RIOX2: variants seen among roughly 807,000 people sequenced by gnomAD.
RIOX2 encodes the protein 60S ribosomal protein L27a histidine hydroxylase.
A neutral mutation model predicts 51.2 loss-of-function variants in RIOX2; 43 were observed. That is an observed-to-expected ratio of 0.84 (90% CI 0.66 to 1.08). The LOEUF (loss-of-function observed/expected upper bound fraction) is 1.08, where lower values mean the gene tolerates loss of function less well. Among genes scored for constraint, RIOX2 ranks in the 50% least tolerant of loss-of-function variants. The pLI is 0.00. For missense variants in RIOX2, 566 were observed against 561.7 expected, an observed-to-expected ratio of 1.01 and a Z score of -0.08; for synonymous variants, 226 against 218.5, an observed-to-expected ratio of 1.03 and a Z score of -0.30.
At chr3:97,969,771 C>T (rs1020982862) in intron 1 of RIOX2, among the ~76,000 whole-genome samples, 1 of 152,218 alleles carries the variant, frequency 6.6e-6, no homozygotes, top group Non-Finnish European at 1.5e-5. Context: ...GCCAGTGTGA[C>T]CGCTCGAAGA....
In RIOX2 at chr3:97,949,945, T is replaced by A; in HGVS notation, c.959A>T (p.Glu320Val). Residue 320 changes from glutamate (E) to valine (V), a missense_variant, in exon 7 of 10, where the codon GAG (glutamate) becomes GTG (valine). By Grantham distance (121) the Glu-to-Val change is moderately radical (BLOSUM62 -2). Transcript: ENST00000394198. ...GFLRTLADRL[E>V]GTKELLSSDM... ...TGAGGAAAGCAGTTCTTTGGTGCCCTCCAGCCGGTCTGCAAGTGTCCTCAG... is the reference window on the plus strand; with the variant it reads ...TGAGGAAAGCAGTTCTTTGGTGCCCACCAGCCGGTCTGCAAGTGTCCTCAG... The A allele has an allele frequency of 6.2e-7, 1 of 1,613,142 alleles. No individual in the cohort carries two copies. Among genetic ancestry groups the A allele is most frequent in the Non-Finnish European group, 8.5e-7 (1 of 1,179,920 alleles).
chr3:97,947,360 C>G lies in RIOX2; in HGVS notation c.1149+1G>C, dbSNP rs147613796. 4 of 1,610,944 alleles carry G rather than the reference C, an allele frequency of 2.5e-6. No individual in the cohort carries two copies. The African/African-American group carries it at 5.3e-5, about 22-fold the overall frequency. Reference sequence around the variant, plus strand: ...GAAATCTCCTCCTCTTGGATACTCACAGATTGATCTTGATCCGGCAGTACT... The same window carrying G: ...GAAATCTCCTCCTCTTGGATACTCAGAGATTGATCTTGATCCGGCAGTACT... On this transcript the variant is annotated splice_donor_variant, in intron 8 of 9. Coordinates refer to ENST00000394198, the MANE Select transcript of RIOX2 (RefSeq NM_153182.4). LOFTEE classifies it high-confidence loss of function.
chr3:97,966,760 A>T (rs1450341607), intron 2 of RIOX2, among the ~76,000 whole-genome samples: 1 of 152,202 alleles, frequency 6.6e-6, no homozygotes, highest in East Asian at 1.9e-4. Context: ...CTTCGGGAAA[A>T]AATGATCACC....
rs2040268879 is a variant in RIOX2 at position 97,943,141 on chromosome 3, AGCT to A, written c.*2040_*2042del. 15 of 730,722 alleles carry A rather than the reference AGCT, an allele frequency of 2.1e-5. No individual in the cohort carries two copies. Among genetic ancestry groups the A allele is most frequent in the Non-Finnish European group, 3.3e-5 (14 of 425,408 alleles). The allele number at this position is 730,722 out of a possible 1,614,324, so 45.3% of individuals were successfully genotyped here. A position where few individuals can be genotyped will look rare whatever the true frequency, so the allele number is the denominator to read the frequency against. On this transcript the variant is annotated 3_prime_UTR_variant, in exon 10 of 10. Transcript: ENST00000394198. ...GACACATTCATCCACCGAAATGGTG[AGCT>A]GAACAGAAGCTTGTGAAAATTGTGA...
chr3:97,966,980 C>A (rs1034157521), intron 2 of RIOX2, among the ~76,000 whole-genome samples, 182 bp downstream of exon 2: 2 of 152,176 alleles, frequency 1.3e-5, no homozygotes, highest in Admixed American at 6.5e-5. Context: ...AACAGTCCAA[C>A]CAAACATAAC....
At position 97,967,457 on chromosome 3, in the gene RIOX2, A is replaced by C; in HGVS notation, c.137T>G (p.Ile46Ser). Residue 46 changes from isoleucine (I) to serine (S), a missense_variant, in exon 2 of 10, where the codon ATC (isoleucine) becomes AGC (serine). Coordinates refer to ENST00000394198, the MANE Select transcript of RIOX2 (RefSeq NM_153182.4). ...AAAAGTCTCTGTCTTGATGGGCGAG[A>C]TTAAACTTTCAAAGAGACTACTGGG... ...DSPSSLFESL[I>S]SPIKTETFFK... 3.7e-6 allele frequency: 6 copies of C among 1,614,158 alleles called. No individual in the cohort carries two copies. Among genetic ancestry groups the C allele is most frequent in the Non-Finnish European group, 5.1e-6 (6 of 1,180,026 alleles).
intron 2 of RIOX2, among the ~76,000 whole-genome samples, chr3:97,966,646 G>C (rs1213288958): frequency 6.6e-6 from 1 of 152,146 alleles, no homozygotes; most frequent in African/African-American, 2.4e-5. Context: ...TCACCCATTC[G>C]GGTGTTATTA....
chr3:97,960,485 T>C (rs1705634849), intron 3 of RIOX2, among the ~76,000 whole-genome samples: 1 of 152,206 alleles, frequency 6.6e-6, no homozygotes, highest in South Asian at 2.1e-4. Context: ...AATGGAAGGC[T>C]ACTAGTAGTT....
chr3:97,972,245 G>A (rs1292989013), intron 1 of RIOX2, 136 bp downstream of exon 1: 2 of 145,452 alleles, frequency 1.4e-5, no homozygotes, highest in African/African-American at 2.5e-5. Context: ...CGGCCACCGA[G>A]GCTTCTCGCC....
chr3:97,951,148 C>T, intron 5 of RIOX2: 1 of 337,638 alleles, frequency 3.0e-6, no homozygotes, highest in Non-Finnish European at 5.4e-6. Flanking sequence ...ATACTGATTT[C>T]TCTTAAAAGC....
At chr3:97,947,751 T>C (rs1320225260) in intron 7 of RIOX2, among the ~76,000 whole-genome samples, 1 of 152,170 alleles carries the variant, frequency 6.6e-6, no homozygotes, top group Non-Finnish European at 1.5e-5. Context: ...CACATAAGGC[T>C]GTGGTGCTTT....
In RIOX2 at chr3:97,945,554, G is replaced by A. The variant is rs2040334864; in HGVS notation, c.1240-212C>T. ...GTAAGTGATATTAGTAATTTGAAATGTTTTACATTATACCATTCCTATAAG... is the reference window on the plus strand; with the variant it reads ...GTAAGTGATATTAGTAATTTGAAATATTTTACATTATACCATTCCTATAAG... On this transcript the variant is annotated intron_variant, in intron 9 of 9. Transcript: ENST00000394198. The A allele has an allele frequency of 4.9e-6, 3 of 608,554 alleles. 1 individual carries two copies. In the Admixed American group the frequency reaches 9.6e-5, roughly 19 times the overall value. The allele number at this position is 608,554 out of a possible 1,614,324, so 37.7% of individuals were successfully genotyped here. A position where few individuals can be genotyped will look rare whatever the true frequency, so the allele number is the denominator to read the frequency against.
At chr3:97,959,836 T>C (rs1036844465) in intron 3 of RIOX2, among the ~76,000 whole-genome samples, 4 of 152,204 alleles carry the variant, frequency 2.6e-5, no homozygotes, top group African/African-American at 9.7e-5. Flanking sequence ...GGTTAAAATT[T>C]ATCAAAACTT....
At chr3:97,952,224 C>T (rs1406665912) in intron 5 of RIOX2, 1 of 1,289,806 alleles carries the variant, frequency 7.8e-7, no homozygotes, top group Non-Finnish European at 1.0e-6. Context: ...GCCCTCAAGT[C>T]ACATCTTCTC....
In RIOX2 at chr3:97,955,202, G is replaced by A. The variant is rs556888835; in HGVS notation, c.682-707C>T. 2.0e-4 allele frequency among the ~76,000 whole-genome samples: 30 copies of A among 152,248 alleles called. No homozygotes were observed. In the South Asian group the frequency reaches 6.2e-3, roughly 32 times the overall value. On this transcript the variant is annotated intron_variant, in intron 4 of 9. Transcript: ENST00000394198. Reference sequence around the variant, plus strand: ...ACACAGGCTCAATGAATGTTGGGATGAATTGAAAAACTATACAATCCCTAT... The same window carrying A: ...ACACAGGCTCAATGAATGTTGGGATAAATTGAAAAACTATACAATCCCTAT...
chr3:97,952,087 C>T, intron 5 of RIOX2: 3 of 945,096 alleles, frequency 3.2e-6, no homozygotes, highest in Admixed American at 2.3e-5. Flanking sequence ...CAACATACAG[C>T]AGACCCCCAA....
Position 97,942,328 on chromosome 3 carries a change from T to C in RIOX2, c.*2856A>G, listed in dbSNP as rs776520771. 10 of 1,611,550 alleles carry C rather than the reference T, an allele frequency of 6.2e-6. No homozygotes were observed. In the African/African-American group the frequency reaches 1.2e-4, roughly 19 times the overall value. ...ATGTGATTGGTGGCCGGGACACACC[T>C]GGAGCTAAAGTAGCTCTATGGACTG... On this transcript the variant is annotated 3_prime_UTR_variant, in exon 10 of 10. Transcript: ENST00000394198.
chr3:97,942,230 A>AACTT lies in RIOX2; in HGVS notation c.*2950_*2953dup. The AACTT allele has an allele frequency of 6.6e-7, 1 of 1,522,362 alleles. No individual in the cohort carries two copies. The highest frequency in any genetic ancestry group is 8.9e-7 in the Non-Finnish European group (1 of 1,120,932). The allele number at this position is 1,522,362 out of a possible 1,614,324, so 94.3% of individuals were successfully genotyped here. A position where few individuals can be genotyped will look rare whatever the true frequency, so the allele number is the denominator to read the frequency against. ...ACCTAAGATAAAAGGGACCTAATTC[A>AACTT]ACTTACTTTAGCAAACATACTACTG... On this transcript the variant is annotated 3_prime_UTR_variant, in exon 10 of 10. Transcript: ENST00000394198.
intron 8 of RIOX2, among the ~76,000 whole-genome samples, chr3:97,946,673 G>A (rs1477996099): frequency 6.7e-6 from 1 of 148,664 alleles, no homozygotes; most frequent in Non-Finnish European, 1.5e-5. Flanking sequence ...TCTGGTTATC[G>A]AGACATGTTG....
Sources: gnomAD v4.1 joint callset for allele counts (sites outside exome capture counted in the v4.1 genomes callset) on GRCh38, gnomAD v4.1.1 for gene constraint, MANE v1.5 for transcripts, NCBI Gene and HGNC (gene_info 2026-07-23, HGNC 2026-07-21) for gene names.